Variants in WWC1 observed in about 807,000 individuals in gnomAD.
WWC1 encodes protein KIBRA.
In WWC1, 55 loss-of-function variants were observed where a neutral mutation model predicts 138.4. That is an observed-to-expected ratio of 0.40 (90% CI 0.32 to 0.50). WWC1 has a LOEUF of 0.50. Ranked by LOEUF, WWC1 falls within the 20% of genes least tolerant of loss-of-function variation. The pLI is 0.72. For missense variants in WWC1, 1,226 were observed against 1,420.4 expected (o/e 0.86, Z 2.20); for synonymous variants, 524 against 564.9 (o/e 0.93, Z 1.03).
At chr5:168,397,151 T>A (rs912490333) in intron 3 of WWC1, among the ~76,000 whole-genome samples, 84 of 151,990 alleles carry the variant, frequency 5.5e-4, no homozygotes, top group Non-Finnish European at 1.1e-3. Flanking sequence ...ATTATTCTTT[T>A]TTTTTTTTTG....
chr5:168,359,033 G>GGTGGGTGTGTGTGT, intron 1 of WWC1, among the ~76,000 whole-genome samples: 1 of 148,304 alleles, frequency 6.7e-6, no homozygotes, highest in African/African-American at 2.5e-5. Context: ...GTGGTGGTGG[G>GGTGGGTGTGTGTGT]GTGTGTGTGT....
intron 16 of WWC1, among the ~76,000 whole-genome samples, chr5:168,443,421 T>G (rs1249226487): frequency 6.6e-6 from 1 of 152,164 alleles, no homozygotes; most frequent in African/African-American, 2.4e-5. Context: ...CTCAGAGAGA[T>G]AACCAAATTA....
intron 3 of WWC1, among the ~76,000 whole-genome samples, chr5:168,389,168 G>T (rs944773072): frequency 1.3e-5 from 2 of 152,114 alleles, no homozygotes; most frequent in South Asian, 4.2e-4. Context: ...ATAGTAGGAG[G>T]CCAGGTGTGG....
chr5:168,438,170 G>C (rs1322133958), intron 15 of WWC1, among the ~76,000 whole-genome samples: 1 of 152,042 alleles, frequency 6.6e-6, no homozygotes, highest in Admixed American at 6.5e-5. Context: ...ACTCAACACC[G>C]TGCTCTCAGA....
At chr5:168,412,494 A>G (rs1255694615) in intron 8 of WWC1, among the ~76,000 whole-genome samples, 1 of 152,156 alleles carries the variant, frequency 6.6e-6, no homozygotes, top group Non-Finnish European at 1.5e-5. Context: ...CCAGTAAAGC[A>G]TCAGTCACTT....
intron 20 of WWC1, among the ~76,000 whole-genome samples, chr5:168,461,917 G>A (rs370332479): frequency 2.7e-4 from 41 of 152,154 alleles, no homozygotes; most frequent in African/African-American, 7.7e-4. Flanking sequence ...TTAGCTGGGC[G>A]TGGTGGTGCA....
At chr5:168,324,413 A>G (rs950659615) in intron 1 of WWC1, among the ~76,000 whole-genome samples, 5 of 152,132 alleles carry the variant, frequency 3.3e-5, no homozygotes, top group African/African-American at 1.2e-4. Context: ...AGCTTGGGTA[A>G]CAGAGCGTGA....
In WWC1 at chr5:168,330,538, T is replaced by A. The variant is rs561688676; in HGVS notation, c.119+38267T>A. ...TTGAGGTCACTATTGTTACCCCTAC[T>A]TCTATGCACCCACCATGTATGCATG... On this transcript the variant is annotated intron_variant, in intron 1 of 22. Transcript: ENST00000265293. Among the ~76,000 whole-genome samples the A allele has an allele frequency of 1.1e-4, 17 of 152,312 alleles. No individual in the cohort carries two copies. The South Asian group carries it at 3.1e-3, about 28-fold the overall frequency.
intron 1 of WWC1, among the ~76,000 whole-genome samples, chr5:168,320,216 G>T (rs1262472922): frequency 6.6e-6 from 1 of 152,064 alleles, no homozygotes; most frequent in Non-Finnish European, 1.5e-5. Flanking sequence ...TGTATTTTTA[G>T]TAGAGACGGA....
chr5:168,404,812 C>T (rs188414265), intron 5 of WWC1, among the ~76,000 whole-genome samples: 135 of 151,968 alleles, frequency 8.9e-4, no homozygotes, highest in African/African-American at 3.0e-3. Context: ...TTTGACACCT[C>T]GGCCCTCCTT....
In WWC1 at chr5:168,434,349, G is replaced by A. The variant is rs1414616962; in HGVS notation, c.2280+2905G>A. The stretch of plus-strand genomic sequence containing the variant: ...GTATTCTGGTGGCTGGAGGAGGAGA[G>A]GAAGTGAGATGGGAGGAAAAAGGCC... On this transcript the variant is annotated intron_variant, in intron 15 of 22. Coordinates refer to ENST00000265293, the MANE Select transcript of WWC1 (RefSeq NM_015238.3). 2.3e-5 allele frequency among the ~76,000 whole-genome samples: 3 copies of A among 131,504 alleles called. No homozygotes were observed. The Admixed American group carries it at 2.3e-4, about 10-fold the overall frequency. 86.3% of individuals were successfully genotyped at this position (131,504 alleles called of 152,430 possible). A position where few individuals can be genotyped will look rare whatever the true frequency, so the allele number is the denominator to read the frequency against.
chr5:168,339,909 C>CTCTCTCTCTCTCTTTCTCTCTT (rs1773866063), intron 1 of WWC1, among the ~76,000 whole-genome samples: 1 of 19,800 alleles, frequency 5.1e-5, no homozygotes, highest in Non-Finnish European at 1.4e-4. Context: ...CTCTCTCTTT[C>CTCTCTCTCTCTCTTTCTCTCTT]TCTCTCTCTC....
chr5:168,337,086 A>G (rs913924961), intron 1 of WWC1, among the ~76,000 whole-genome samples: 1 of 152,126 alleles, frequency 6.6e-6, no homozygotes, highest in Non-Finnish European at 1.5e-5. Flanking sequence ...ACATCCTAAG[A>G]AAAAGGAACC....
chr5:168,419,796 A>T (rs1780942360), intron 9 of WWC1, among the ~76,000 whole-genome samples: 1 of 152,158 alleles, frequency 6.6e-6, no homozygotes, highest in Non-Finnish European at 1.5e-5. Flanking sequence ...TTCCAGGGGC[A>T]AAGACACACC....
intron 15 of WWC1, among the ~76,000 whole-genome samples, chr5:168,439,904 AT>A (rs1276183151): frequency 6.6e-6 from 1 of 152,158 alleles, no homozygotes; most frequent in Non-Finnish European, 1.5e-5. Context: ...TTTGTTGTCA[AT>A]TTTTTAAACT....
At chr5:168,398,485 C>T (rs1779075283) in intron 4 of WWC1, among the ~76,000 whole-genome samples, 1 of 152,154 alleles carries the variant, frequency 6.6e-6, no homozygotes, top group African/African-American at 2.4e-5. Context: ...AAGTCTTACT[C>T]CAAAGTTTCT....
intron 11 of WWC1, among the ~76,000 whole-genome samples, chr5:168,426,017 G>A (rs1022637785): frequency 6.6e-6 from 1 of 152,210 alleles, no homozygotes; most frequent in African/African-American, 2.4e-5. Flanking sequence ...ACCCATGTCA[G>A]CTCTGTGGCT....
chr5:168,451,725 G>C (rs1173226597), intron 17 of WWC1, among the ~76,000 whole-genome samples: 1 of 151,668 alleles, frequency 6.6e-6, no homozygotes, highest in Non-Finnish European at 1.5e-5. Flanking sequence ...AACAAAGAAA[G>C]AAAAAAGAAG....
chr5:168,425,182 G>A (rs923724107), intron 11 of WWC1, among the ~76,000 whole-genome samples: 2 of 152,046 alleles, frequency 1.3e-5, no homozygotes, highest in African/African-American at 2.4e-5. Context: ...AGTGTTTCTG[G>A]CCCCGGAACC....
Sources: gnomAD v4.1 joint callset for allele counts (sites outside exome capture counted in the v4.1 genomes callset) on GRCh38, gnomAD v4.1.1 for gene constraint, MANE v1.5 for transcripts, NCBI Gene and HGNC (gene_info 2026-07-23, HGNC 2026-07-21) for gene names.